Variants in FIG4 observed in about 807,000 individuals in gnomAD.
FIG4 encodes the protein FIG4 phosphoinositide 5-phosphatase, also known as polyphosphoinositide phosphatase.
A neutral mutation model predicts 118.6 loss-of-function variants in FIG4; 112 were observed. The ratio of observed to expected loss-of-function variants is 0.94; its 90% CI spans 0.81 to 1.11. FIG4 has a LOEUF of 1.11. FIG4 is among the 50% of genes least tolerant of loss of function. The pLI, the probability that FIG4 is intolerant of heterozygous loss-of-function variation, is 0.00. For synonymous variants in FIG4, 369 were observed against 381.2 expected, an observed-to-expected ratio of 0.97 and a Z score of 0.37; for missense variants, 969 against 1,111.7, an observed-to-expected ratio of 0.87 and a Z score of 1.83.
chr6:109,703,691 CCT>C (rs2128378773), intron 1 of FIG4, among the ~76,000 whole-genome samples: 1 of 152,250 alleles, frequency 6.6e-6, no homozygotes, highest in South Asian at 2.1e-4. Flanking sequence ...GATCTTGCCC[CCT>C]CTCTGTCCCT....
chr6:109,825,052 C>A, intron 22 of FIG4, 36 bp from the exon 23 acceptor site: 1 of 1,595,050 alleles, frequency 6.3e-7, no homozygotes. Flanking sequence ...CTTATATTTT[C>A]TTTAATGCAG....
chr6:109,797,887 C>A (rs1778329491), intron 22 of FIG4, among the ~76,000 whole-genome samples: 1 of 137,796 alleles, frequency 7.3e-6, no homozygotes, highest in African/African-American at 2.9e-5. Flanking sequence ...CAGAGTGAGA[C>A]TCCATCTCCA....
At chr6:109,803,881 T>TG in intron 22 of FIG4, among the ~76,000 whole-genome samples, 1 of 151,080 alleles carries the variant, frequency 6.6e-6, no homozygotes, top group East Asian at 2.0e-4. Flanking sequence ...TGATAGTTCA[T>TG]GTCCTTTGTA....
At chr6:109,759,259 T>G (rs1272798591) in intron 10 of FIG4, among the ~76,000 whole-genome samples, 2 of 152,134 alleles carry the variant, frequency 1.3e-5, no homozygotes, top group African/African-American at 2.4e-5. Context: ...TGGAATACTA[T>G]GCAGCCATAA....
intron 6 of FIG4, 56 bp downstream of exon 6, chr6:109,735,354 CT>C: frequency 6.7e-7 from 1 of 1,482,166 alleles, no homozygotes; most frequent in South Asian, 1.1e-5. Context: ...GAAGTGATAT[CT>C]TATTAAATTC....
chr6:109,782,185 A>G (rs1003165504), intron 16 of FIG4, among the ~76,000 whole-genome samples: 5 of 152,162 alleles, frequency 3.3e-5, no homozygotes, highest in Non-Finnish European at 7.4e-5. Context: ...CTAACTTGCA[A>G]TCTCCTGTTT....
At chr6:109,787,961 A>G (rs187504420) in intron 18 of FIG4, among the ~76,000 whole-genome samples, 4 of 152,210 alleles carry the variant, frequency 2.6e-5, no homozygotes, top group African/African-American at 4.8e-5. Context: ...ACAATGGTGC[A>G]AAAGTTACAT....
At chr6:109,807,152 A>G (rs898006082) in intron 22 of FIG4, among the ~76,000 whole-genome samples, 2 of 152,144 alleles carry the variant, frequency 1.3e-5, no homozygotes, top group Non-Finnish European at 2.9e-5. Flanking sequence ...GTCAAATGGC[A>G]TTTCTGGTTC....
At chr6:109,729,648 C>T (rs1286543131) in intron 4 of FIG4, among the ~76,000 whole-genome samples, 4 of 151,788 alleles carry the variant, frequency 2.6e-5, no homozygotes, top group African/African-American at 7.3e-5. Flanking sequence ...CATGGTGGCT[C>T]ATGCCTGTAA....
chr6:109,701,314 A>G (rs1774900309), intron 1 of FIG4, among the ~76,000 whole-genome samples: 1 of 152,224 alleles, frequency 6.6e-6, no homozygotes, highest in Non-Finnish European at 1.5e-5. Flanking sequence ...GCCCAGGCCT[A>G]ACGCAGCACT....
chr6:109,706,025 T>G (rs1775055893), intron 1 of FIG4, among the ~76,000 whole-genome samples: 1 of 152,190 alleles, frequency 6.6e-6, no homozygotes, highest in Admixed American at 6.5e-5. Context: ...GATTACTCTG[T>G]GGTACATAGT....
intron 5 of FIG4, among the ~76,000 whole-genome samples, chr6:109,733,678 C>T (rs1456003626): frequency 6.6e-6 from 1 of 151,974 alleles, no homozygotes. Flanking sequence ...GAGTGAAGGG[C>T]TCCTAAAGAA....
chr6:109,817,743 C>G (rs1186719671), intron 22 of FIG4, among the ~76,000 whole-genome samples: 1 of 152,108 alleles, frequency 6.6e-6, no homozygotes, highest in Admixed American at 6.5e-5. Context: ...CTGAAAGGGT[C>G]CACTCTCTGC....
chr6:109,785,378 A>G (rs1430186385), intron 17 of FIG4, among the ~76,000 whole-genome samples: 1 of 152,178 alleles, frequency 6.6e-6, no homozygotes, highest in Non-Finnish European at 1.5e-5. Context: ...AATGCGGAGG[A>G]AGTAAGGACC....
intron 13 of FIG4, 133 bp from the exon 14 acceptor site, chr6:109,764,880 A>G (rs1777232151): frequency 1.3e-6 from 1 of 755,330 alleles, no homozygotes; most frequent in Admixed American, 2.3e-5. Flanking sequence ...CAGGAATAAT[A>G]CCTGCCCACA....
At chr6:109,809,481 A>G (rs1322570548) in intron 22 of FIG4, among the ~76,000 whole-genome samples, 1 of 152,196 alleles carries the variant, frequency 6.6e-6, no homozygotes, top group Admixed American at 6.5e-5. Flanking sequence ...CATATTAACC[A>G]AAGCTAATTG....
At chr6:109,782,545 AT>A (rs912718531) in intron 16 of FIG4, among the ~76,000 whole-genome samples, 6 of 152,140 alleles carry the variant, frequency 3.9e-5, no homozygotes, top group African/African-American at 9.7e-5. Flanking sequence ...GTTAAAACAC[AT>A]TTTTTGTAAT....
intron 1 of FIG4, among the ~76,000 whole-genome samples, chr6:109,713,975 C>T (rs1253270263): frequency 6.6e-6 from 1 of 152,132 alleles, no homozygotes; most frequent in Non-Finnish European, 1.5e-5. Context: ...GACAGTTCCC[C>T]TAGGGCTAAA....
chr6:109,725,368 C>T (rs1775771553), intron 3 of FIG4, among the ~76,000 whole-genome samples: 1 of 152,104 alleles, frequency 6.6e-6, no homozygotes, highest in South Asian at 2.1e-4. Flanking sequence ...GTTTTCTGTT[C>T]CTGTGTCAGT....
Sources: allele counts gnomAD v4.1 joint callset (sites outside exome capture counted in the v4.1 genomes callset), GRCh38; gene constraint gnomAD v4.1.1; transcripts MANE v1.5; gene names NCBI Gene and HGNC (gene_info 2026-07-23, HGNC 2026-07-21).